SPATA25: variants seen among roughly 807,000 people sequenced by gnomAD.
The protein encoded by SPATA25 is spermatogenesis-associated protein 25.
Under a neutral mutation model 16.0 loss-of-function variants are expected in SPATA25, and 16 were observed. That is an observed-to-expected ratio of 1.00 (90% CI 0.68 to 1.52). The LOEUF (loss-of-function observed/expected upper bound fraction) is 1.52. Among genes scored for constraint, SPATA25 ranks in the 40% most tolerant of loss-of-function variants. The probability of loss-of-function intolerance (pLI) is 0.00; values close to 1 mark genes in which losing one functional copy is unlikely to be tolerated. For missense variants in SPATA25, 285 were observed against 289.2 expected (o/e 0.99, Z 0.11); for synonymous variants, 115 against 118.5 (o/e 0.97, Z 0.19).
upstream of SPATA25, chr20:45,890,821 G>A (rs377198905): frequency 3.8e-6 from 6 of 1,569,264 alleles, no homozygotes; most frequent in Non-Finnish European, 5.2e-6. Context: ...CCAGCGGCTC[G>A]CGGCTGAAGC....
rs1322991219 is a variant in SPATA25 at position 45,887,001 on chromosome 20, A to G, written c.200T>C (p.Met67Thr). The G allele has an allele frequency of 1.2e-6, 2 of 1,613,464 alleles. No homozygotes were observed. Among genetic ancestry groups the G allele is most frequent in the East Asian group, 2.2e-5 (1 of 44,868 alleles). The change falls in exon 2 of 2, where the codon ATG (methionine) becomes ACG (threonine). Residue 67 changes from methionine (M) to threonine (T), a missense_variant. Coordinates refer to ENST00000372519, the MANE Select transcript of SPATA25 (RefSeq NM_080608.4). ...CCCAGGGCAGCCCCTGGCTTGTGGC[A>G]TTGCCAGGGCTGGGCCCCAGGCCTG... ...AAQAWGPALAMPQARGCPGGT... is the reference protein window; with the variant it reads ...AAQAWGPALATPQARGCPGGT...
chr20:45,886,843 T>A lies in SPATA25; in HGVS notation c.358A>T (p.Ser120Cys), dbSNP rs1246972034. 6.2e-7 allele frequency: 1 copy of A among 1,613,974 alleles called. No individual in the cohort carries two copies. Residue 120 changes from serine to cysteine, a missense_variant, in exon 2 of 2, where the codon AGC (serine) becomes TGC (cysteine). By Grantham distance (112) the Ser-to-Cys change is moderately radical. Transcript: ENST00000372519. ...CACAGCATCAGGGGCCTAGGCCTGC[T>A]GGGGCCACCCAGGTCAGGGGCTCTG... is the stretch of plus-strand genomic sequence containing the variant. ...RSRAPDLGGP[S>C]RPRPLMLCGL...
chr20:45,890,204 A>G (rs3817731), upstream of SPATA25: 28 of 1,611,226 alleles, frequency 1.7e-5, no homozygotes, highest in Non-Finnish European at 2.4e-5. Flanking sequence ...AGTAGATTCC[A>G]GTCCCCACAC....
upstream of SPATA25, chr20:45,890,693 G>T: frequency 6.2e-7 from 1 of 1,613,796 alleles, no homozygotes; most frequent in Non-Finnish European, 8.5e-7. Flanking sequence ...ATCGGGCAGA[G>T]AAAACTCGGG....
In SPATA25 at chr20:45,887,019, C is replaced by T; in HGVS notation, c.182G>A (p.Trp61Ter). The T allele has an allele frequency of 1.2e-6, 2 of 1,613,022 alleles. No individual in the cohort carries two copies. The highest frequency in any genetic ancestry group is 2.2e-5 in the South Asian group (2 of 91,082). Residue 61 changes from tryptophan (W) to a stop codon, truncating the protein, a stop_gained, in exon 2 of 2, where the codon TGG becomes TAG. Transcript: ENST00000372519. LOFTEE classifies it high-confidence loss of function. ...AEQVAPAAQA[W>*]GPALAMPQAR... ...TTGTGGCATTGCCAGGGCTGGGCCC[C>T]AGGCCTGGGCAGCAGGTGCCACCTG... is the stretch of plus-strand genomic sequence containing the variant.
rs755797678 is a variant in SPATA25, at chr20:45,886,552, A to G, written c.649T>C (p.Ser217Pro). The G allele has an allele frequency of 1.3e-6, 2 of 1,593,190 alleles. No individual in the cohort carries two copies. The highest frequency in any genetic ancestry group is 1.1e-5 in the South Asian group (1 of 90,014). Residue 217 changes from serine (S) to proline (P), a missense_variant, in exon 2 of 2, where the codon TCT becomes CCT. Physicochemically the swap from Ser to Pro is moderately conservative, Grantham distance 74. Transcript: ENST00000372519. ...GAGCCAGGAGGCTGGCCCCTTTTAG[A>G]TCTCACTAGGGGCATCTTCCCAGAG... ...TASGKMPLVR[S>P]KRGQPPGSCL is the part of the protein sequence containing the mutation.
At chr20:45,890,590 G>A (rs761575367), upstream of SPATA25, 1 of 1,612,510 alleles carries the variant, frequency 6.2e-7, no homozygotes, top group Non-Finnish European at 8.5e-7. Flanking sequence ...GTCGGCTGGG[G>A]GCCGCTGCCT....
At chr20:45,887,282 G>A in intron 1 of SPATA25, 137 bp from the exon 2 acceptor site, 1 of 1,100,304 alleles carries the variant, frequency 9.1e-7, no homozygotes, top group Non-Finnish European at 1.3e-6. Context: ...TGGGAACTAG[G>A]TGTTACTCAT....
upstream of SPATA25, chr20:45,890,758 G>C: frequency 1.2e-6 from 2 of 1,612,424 alleles, no homozygotes; most frequent in Non-Finnish European, 1.7e-6. Context: ...GCAGATGTCC[G>C]CACCAGCCCA....
At chr20:45,888,612 G>T, upstream of SPATA25, 1 of 731,696 alleles carries the variant, frequency 1.4e-6, no homozygotes. Flanking sequence ...TAGGCTGTAG[G>T]GGCAAGGAGA....
At chr20:45,890,155 C>G (rs1052494226), upstream of SPATA25, 16 of 1,373,136 alleles carry the variant, frequency 1.2e-5, no homozygotes, top group Admixed American at 8.8e-5. Context: ...AAACTAGTGC[C>G]GGACAGACGA....
Position 45,886,508 on chromosome 20 carries a change from T to G in SPATA25, c.*9A>C. 6.4e-7 allele frequency: 1 copy of G among 1,555,614 alleles called. No individual in the cohort carries two copies. Among genetic ancestry groups the G allele is most frequent in the Non-Finnish European group, 8.7e-7 (1 of 1,147,406 alleles). On this transcript the variant is annotated 3_prime_UTR_variant, in exon 2 of 2. Coordinates refer to ENST00000372519, the MANE Select transcript of SPATA25 (RefSeq NM_080608.4). ...AACCACCCTACATATCTGGTGCTAT[T>G]TCATCCATCTACAAGCAGGAGCCAG... is the stretch of plus-strand genomic sequence containing the variant.
At chr20:45,888,078 C>G (rs1986550452), upstream of SPATA25, among the ~76,000 whole-genome samples, 2 of 152,194 alleles carry the variant, frequency 1.3e-5, no homozygotes, top group Admixed American at 1.3e-4. Flanking sequence ...AGTGCAGGAG[C>G]AAGACCTCAG....
chr20:45,890,585 C>CT (rs201802475), upstream of SPATA25: 10,266 of 1,612,316 alleles, frequency 6.4e-3, 41 homozygotes, highest in Non-Finnish European at 7.8e-3. Context: ...TGGAGGTCGG[C>CT]TGGGGGCCGC....
chr20:45,890,359 C>T (rs1317665174), upstream of SPATA25: 1 of 1,612,886 alleles, frequency 6.2e-7, no homozygotes, highest in Admixed American at 1.7e-5. Flanking sequence ...GGCCCATGTC[C>T]TCGCCGTTGA....
upstream of SPATA25, among the ~76,000 whole-genome samples, chr20:45,887,847 T>G (rs555525606): frequency 2.0e-5 from 3 of 152,338 alleles, no homozygotes; most frequent in African/African-American, 7.2e-5. Context: ...CTTGATATCC[T>G]TATCTGTAAA....
upstream of SPATA25, chr20:45,890,014 C>A: frequency 3.4e-6 from 2 of 581,566 alleles, no homozygotes; most frequent in Non-Finnish European, 3.0e-6. Context: ...GAAACACTAT[C>A]AAAACTAAAA....
chr20:45,889,213 G>A (rs1265121315), upstream of SPATA25, among the ~76,000 whole-genome samples: 2 of 152,186 alleles, frequency 1.3e-5, no homozygotes, highest in African/African-American at 4.8e-5. Context: ...TTCATGAAAT[G>A]TGATGAGAGG....
chr20:45,886,655 T>C lies in SPATA25; in HGVS notation c.546A>G (p.Gln182=). ...VREEDLIWAA[Q]AFMMAHPEPE... ...GCTCCGGATGGGCCATCATGAAAGC[T>C]TGAGCGGCCCAGATCAGGTCCTCTT... is the stretch of plus-strand genomic sequence containing the variant. The change falls in exon 2 of 2, where the codon CAA becomes CAG. Residue 182 remains glutamine (Q), a synonymous_variant. Coordinates refer to ENST00000372519, the MANE Select transcript of SPATA25 (RefSeq NM_080608.4). The C allele has an allele frequency of 6.2e-7, 1 of 1,614,108 alleles. No homozygotes were observed. Among genetic ancestry groups the C allele is most frequent in the Non-Finnish European group, 8.5e-7 (1 of 1,180,032 alleles).
Sources: gnomAD v4.1 joint callset for allele counts (sites outside exome capture counted in the v4.1 genomes callset) on GRCh38, gnomAD v4.1.1 for gene constraint, MANE v1.5 for transcripts, NCBI Gene and HGNC (gene_info 2026-07-23, HGNC 2026-07-21) for gene names.